ACBD5: variants seen among roughly 807,000 people sequenced by gnomAD.
The protein encoded by ACBD5 is acyl-CoA-binding domain-containing protein 5.
In ACBD5, 40 loss-of-function variants were observed where a neutral mutation model predicts 71.8. That is an observed-to-expected ratio of 0.56 (90% confidence interval 0.43 to 0.72). The LOEUF is 0.72. Among genes scored for constraint, ACBD5 ranks in the 30% least tolerant of loss-of-function variants. The pLI is 0.00. For missense variants in ACBD5, 559 were observed against 644.5 expected (o/e 0.87, Z 1.44); for synonymous variants, 229 against 218.6 (o/e 1.05, Z -0.42).
chr10:27,209,234 C>T (rs1482432791), intron 9 of ACBD5, among the ~76,000 whole-genome samples: 11 of 152,032 alleles, frequency 7.2e-5, no homozygotes, highest in Admixed American at 7.2e-4. Context: ...GCCCTGGAGA[C>T]TACTTCTTTA....
chr10:27,183,357 C>T (rs544363531), intron 13 of ACBD5, among the ~76,000 whole-genome samples: 2 of 152,074 alleles, frequency 1.3e-5, no homozygotes, highest in South Asian at 4.2e-4. Flanking sequence ...GATCTCGGCT[C>T]ACTGCAACCT....
rs1344625511 is a variant in ACBD5, at chr10:27,218,001, A to T, written c.808T>A (p.Ser270Thr). Reference sequence around the variant, plus strand: ...ATACCTTGGTGAATGCAAACAGCAGATTTTCCAGTTTGCCCCAAGTTTTCA... The same window carrying T: ...ATACCTTGGTGAATGCAAACAGCAGTTTTTCCAGTTTGCCCCAAGTTTTCA... ...IDENLGQTGK[S>T]AVCIHQDIND... Residue 270 changes from serine (S) to threonine (T), a missense_variant, in exon 7 of 13, where the codon TCT (serine) becomes ACT (threonine). Ser to Thr is a moderately conservative substitution (Grantham distance 58). Coordinates refer to ENST00000396271, the MANE Select transcript of ACBD5 (RefSeq NM_145698.5). 3.7e-6 allele frequency: 6 copies of T among 1,614,138 alleles called. No homozygotes were observed. Among genetic ancestry groups the T allele is most frequent in the Non-Finnish European group, 4.2e-6 (5 of 1,180,004 alleles).
intron 4 of ACBD5, among the ~76,000 whole-genome samples, chr10:27,230,613 A>G (rs950002546): frequency 1.3e-5 from 2 of 152,084 alleles, no homozygotes; most frequent in African/African-American, 4.8e-5. Flanking sequence ...CCTGGCCAAC[A>G]TCGTGAAATC....
At chr10:27,215,745 G>T in intron 7 of ACBD5, 104 bp from the exon 8 acceptor site, 2 of 820,476 alleles carry the variant, frequency 2.4e-6, no homozygotes, top group Non-Finnish European at 4.0e-6. Context: ...TGTTGCCCAG[G>T]CTGGAGTGCA....
intron 13 of ACBD5, among the ~76,000 whole-genome samples, chr10:27,188,004 G>A (rs1248761105): frequency 6.6e-6 from 1 of 151,926 alleles, no homozygotes; most frequent in African/African-American, 2.4e-5. Flanking sequence ...CCATTTCCGG[G>A]GGAAAAAAAA....
chr10:27,230,111 A>AAG (rs2063659535), intron 4 of ACBD5, among the ~76,000 whole-genome samples: 1 of 151,600 alleles, frequency 6.6e-6, no homozygotes, highest in Admixed American at 6.6e-5. Flanking sequence ...AAAAAAAAAA[A>AAG]AGAGAAATAG....
At position 27,196,813 on chromosome 10, in the gene ACBD5, T is replaced by C. The variant is rs2059419629; in HGVS notation, c.*617A>G. ...AATCATTTGTAAAAACTCAGTCTGGTACATAGGACTCCACTTTTTAATAAT... is the reference window on the plus strand; with the variant it reads ...AATCATTTGTAAAAACTCAGTCTGGCACATAGGACTCCACTTTTTAATAAT... On this transcript the variant is annotated 3_prime_UTR_variant, in exon 13 of 13. Coordinates refer to ENST00000396271, the MANE Select transcript of ACBD5 (RefSeq NM_145698.5). 1 of 454,120 alleles carries C rather than the reference T, an allele frequency of 2.2e-6. No individual in the cohort carries two copies. The highest frequency in any genetic ancestry group is 4.4e-6 in the Non-Finnish European group (1 of 226,774). The allele number at this position is 454,120 out of a possible 1,614,324, so 28.1% of individuals were successfully genotyped here. A position where few individuals can be genotyped will look rare whatever the true frequency, so the allele number is the denominator to read the frequency against.
Position 27,240,599 on chromosome 10 carries a change from C to A in ACBD5, c.15+75G>T. ...ATCCAGGCCACACAGATCGAAGCGG[C>A]CCGGCTCCTTCCTCCTCCCCCGGGG... is the stretch of plus-strand genomic sequence containing the variant. On this transcript the variant is annotated intron_variant, in intron 1 of 12. Transcript: ENST00000396271. The surrounding 1 kb of genome is among the most constrained non-coding windows in gnomAD (Gnocchi z 4.1). 6.4e-7 allele frequency: 1 copy of A among 1,551,144 alleles called. No homozygotes were observed. The highest frequency in any genetic ancestry group is 8.7e-7 in the Non-Finnish European group (1 of 1,146,948).
At chr10:27,215,221 G>A (rs1290557122) in intron 8 of ACBD5, among the ~76,000 whole-genome samples, 1 of 151,990 alleles carries the variant, frequency 6.6e-6, no homozygotes, top group Admixed American at 6.6e-5. Context: ...ATTAATAAAT[G>A]TTTCAAACAT....
intron 4 of ACBD5, among the ~76,000 whole-genome samples, chr10:27,228,556 G>A (rs980539194): frequency 3.3e-5 from 5 of 151,218 alleles, no homozygotes; most frequent in Non-Finnish European, 1.5e-5. Flanking sequence ...TAGCCCAGGC[G>A]ACAGTGCGAG....
intron 4 of ACBD5, among the ~76,000 whole-genome samples, chr10:27,228,666 C>G (rs1458241674): frequency 2.6e-5 from 4 of 151,272 alleles, no homozygotes; most frequent in Non-Finnish European, 4.4e-5. Flanking sequence ...TACTTTCCCT[C>G]AAAGCTAAAA....
intron 12 of ACBD5, 59 bp downstream of exon 12, chr10:27,204,379 ACT>A (rs1262126003): frequency 3.2e-6 from 4 of 1,264,178 alleles, no homozygotes; most frequent in Middle Eastern, 1.9e-4. Flanking sequence ...GCTGCTGAAA[ACT>A]CTGTCTACTA....
intron 5 of ACBD5, among the ~76,000 whole-genome samples, chr10:27,222,410 T>TAAAAA (rs11322768): frequency 7.1e-6 from 1 of 140,400 alleles, no homozygotes; most frequent in African/African-American, 2.6e-5. Flanking sequence ...GACAAAATTC[T>TAAAAA]AAAAAAAAAA....
intron 11 of ACBD5, 149 bp downstream of exon 11, chr10:27,205,049 C>T: frequency 1.5e-6 from 1 of 674,216 alleles, no homozygotes. Flanking sequence ...ATGGCGTGAA[C>T]CCAGGAGGCA....
At position 27,197,606 on chromosome 10, in the gene ACBD5, CCAATTA is replaced by C. The variant is rs1490709329; in HGVS notation, c.1566-170_1566-165del. On this transcript the variant is annotated intron_variant, in intron 12 of 12. Transcript: ENST00000396271. ...TGACTTGCAGCCTGATAGGAAAGAT[CCAATTA>C]CAAGTGCTGAAATTACCAAACAGTT... 3.3e-5 allele frequency among the ~76,000 whole-genome samples: 5 copies of C among 152,250 alleles called. No individual in the cohort carries two copies. In the East Asian group the frequency reaches 7.7e-4, roughly 23 times the overall value.
chr10:27,204,052 C>T (rs2060205976), intron 12 of ACBD5, among the ~76,000 whole-genome samples: 1 of 145,892 alleles, frequency 6.9e-6, no homozygotes, highest in Non-Finnish European at 1.5e-5. Context: ...TCACTTGAGC[C>T]AAGGAATCTG....
Position 27,195,549 on chromosome 10 carries a change from C to A in ACBD5, c.*1881G>T. 2.2e-6 allele frequency: 1 copy of A among 451,252 alleles called. No homozygotes were observed. The highest frequency in any genetic ancestry group is 4.4e-6 in the Non-Finnish European group (1 of 225,912). The allele number at this position is 451,252 out of a possible 1,614,324, so 28.0% of individuals were successfully genotyped here. ...GAGAAAAGACACTTTTTACTGATAC[C>A]AAATTGATATCTCATTTTTGAAAAT... On this transcript the variant is annotated 3_prime_UTR_variant, in exon 13 of 13. Coordinates refer to ENST00000396271, the MANE Select transcript of ACBD5 (RefSeq NM_145698.5).
rs1264687705 is a variant in ACBD5, at chr10:27,196,226, A to C, written c.*1204T>G. On this transcript the variant is annotated 3_prime_UTR_variant, in exon 13 of 13. Coordinates refer to ENST00000396271, the MANE Select transcript of ACBD5 (RefSeq NM_145698.5). ...AAAAAAAAAATTATTTGTTACAAAG[A>C]CTGCATCAAAGAAATCTTCAAAGCA... The C allele has an allele frequency of 2.2e-6, 1 of 453,988 alleles. No homozygotes were observed. The highest frequency in any genetic ancestry group is 2.0e-5 in the African/African-American group (1 of 50,018). 28.1% of individuals were successfully genotyped at this position (453,988 alleles called of 1,614,324 possible).
chr10:27,218,406 A>G (rs1180781842), intron 6 of ACBD5, among the ~76,000 whole-genome samples: 1 of 152,156 alleles, frequency 6.6e-6, no homozygotes, highest in African/African-American at 2.4e-5. Context: ...TTCCCTGTCA[A>G]TCTTCTAGAA....
Sources: gnomAD v4.1 joint callset for allele counts (sites outside exome capture counted in the v4.1 genomes callset) on GRCh38, gnomAD v4.1.1 for gene constraint, Gnocchi (gnomAD v3.1) non-coding constraint, MANE v1.5 for transcripts, NCBI Gene and HGNC (gene_info 2026-07-23, HGNC 2026-07-21) for gene names.